Variants in IKBIP observed in about 807,000 individuals in gnomAD.
The protein encoded by IKBIP is inhibitor of nuclear factor kappa-B kinase-interacting protein.
In IKBIP, 28 loss-of-function variants were observed where a neutral mutation model predicts 31.0. The ratio of observed to expected loss-of-function variants is 0.90; its 90% CI spans 0.67 to 1.24. The LOEUF is 1.24. IKBIP is among the 50% of genes most tolerant of loss of function. The pLI is 0.00. For synonymous variants in IKBIP, 164 were observed against 160.3 expected (o/e 1.02, Z -0.17); for missense variants, 453 against 441.9 (o/e 1.03, Z -0.23).
At chr12:98,635,429 T>C (rs1299279561) in intron 1 of IKBIP, among the ~76,000 whole-genome samples, 2 of 152,194 alleles carry the variant, frequency 1.3e-5, no homozygotes, top group African/African-American at 2.4e-5. Context: ...TTTGACAGAT[T>C]TTCATGTGGT....
chr12:98,639,603 G>A (rs2097628667), intron 1 of IKBIP, among the ~76,000 whole-genome samples: 1 of 152,188 alleles, frequency 6.6e-6, no homozygotes, highest in Non-Finnish European at 1.5e-5. Flanking sequence ...CTGTGATAAT[G>A]AATGGTTTAC....
At chr12:98,631,917 G>T (rs963796970) in intron 2 of IKBIP, among the ~76,000 whole-genome samples, 2 of 150,802 alleles carry the variant, frequency 1.3e-5, no homozygotes, top group African/African-American at 4.9e-5. Context: ...GCACAATGGC[G>T]TGATCTCAGC....
downstream of IKBIP, among the ~76,000 whole-genome samples, chr12:98,623,604 T>C (rs1203818702): frequency 7.3e-6 from 1 of 136,066 alleles, no homozygotes; most frequent in Non-Finnish European, 1.5e-5. Flanking sequence ...GAGGTCTCAC[T>C]ATGTTACCCA....
chr12:98,624,137 C>T (rs752500495), downstream of IKBIP: 10 of 291,912 alleles, frequency 3.4e-5, no homozygotes, highest in Admixed American at 6.6e-5. Flanking sequence ...TCATAATAAC[C>T]TCATATTAAA....
At chr12:98,623,560 C>CTTTTTTTTT (rs35433597), downstream of IKBIP, among the ~76,000 whole-genome samples, 3 of 64,188 alleles carry the variant, frequency 4.7e-5, no homozygotes, top group Non-Finnish European at 5.2e-5. Flanking sequence ...CCTCCTTACA[C>CTTTTTTTTT]TTTTTTTTTT....
At chr12:98,634,546 T>C in intron 1 of IKBIP, 133 bp from the exon 2 acceptor site, 3 of 569,102 alleles carry the variant, frequency 5.3e-6, no homozygotes, top group Non-Finnish European at 9.3e-6. Flanking sequence ...TTTTTTTTTT[T>C]TTTTTTCACA....
At position 98,624,506 on chromosome 12, in the gene IKBIP, T is replaced by C; in HGVS notation, c.*1424A>G. ...TTGCAAATTTACATATTAAAACTAC[T>C]TGACCACAACTACCTTTTTGTAACT... On this transcript the variant is annotated 3_prime_UTR_variant, in exon 3 of 3. Coordinates refer to ENST00000299157, the MANE Select transcript of IKBIP (RefSeq NM_153687.4). The C allele has an allele frequency of 1.0e-6, 1 of 985,384 alleles. No homozygotes were observed. The highest frequency in any genetic ancestry group is 1.2e-6 in the Non-Finnish European group (1 of 829,866). 61.0% of individuals were successfully genotyped at this position (985,384 alleles called of 1,614,324 possible).
chr12:98,634,827 A>T (rs2097624311), intron 1 of IKBIP, among the ~76,000 whole-genome samples: 1 of 148,806 alleles, frequency 6.7e-6, no homozygotes, highest in East Asian at 2.0e-4. Context: ...CTCCTGCCTC[A>T]GCCTCCCGAG....
At chr12:98,643,802 T>C (rs1321953096) in intron 1 of IKBIP, among the ~76,000 whole-genome samples, 1 of 150,426 alleles carries the variant, frequency 6.6e-6, no homozygotes, top group East Asian at 2.0e-4. Context: ...TTTGGGAGCA[T>C]AATGATATGG....
intron 2 of IKBIP, among the ~76,000 whole-genome samples, chr12:98,633,785 G>A (rs2097623335): frequency 6.6e-6 from 1 of 151,976 alleles, no homozygotes; most frequent in Non-Finnish European, 1.5e-5. Flanking sequence ...CCACAGTGCT[G>A]GGATTAAAGG....
chr12:98,615,433 T>C (rs1302377039), intron 2 of IKBIP, among the ~76,000 whole-genome samples: 4 of 152,172 alleles, frequency 2.6e-5, no homozygotes, highest in African/African-American at 7.2e-5. Context: ...TTCACCATGT[T>C]GACTAGGCTG....
At chr12:98,638,819 GA>G (rs778515785) in intron 1 of IKBIP, among the ~76,000 whole-genome samples, 1 of 151,706 alleles carries the variant, frequency 6.6e-6, no homozygotes, top group Non-Finnish European at 1.5e-5. Flanking sequence ...TGAGGCAGCT[GA>G]AGAGGAAGAG....
Position 98,642,392 on chromosome 12 carries a change from C to T in IKBIP, c.179+2131G>A, listed in dbSNP as rs141465604. On this transcript the variant is annotated intron_variant, in intron 1 of 2. Coordinates refer to ENST00000299157, the MANE Select transcript of IKBIP (RefSeq NM_153687.4). ...CTCAAATTCCTGACCTCAAGTGATT[C>T]GCCTGCCTCGGCCTCCCAAAGTGCT... 2.0e-3 allele frequency among the ~76,000 whole-genome samples: 299 copies of T among 152,120 alleles called. 1 individual carries two copies. The highest frequency in any genetic ancestry group is 3.2e-3 in the Non-Finnish European group (218 of 67,998).
chr12:98,627,774 A>G (rs1182638579), intron 2 of IKBIP, among the ~76,000 whole-genome samples: 1 of 152,082 alleles, frequency 6.6e-6, no homozygotes, highest in Non-Finnish European at 1.5e-5. Context: ...GCTTTTTAGA[A>G]ACTGCAACTT....
chr12:98,633,738 A>C (rs1052408135), intron 2 of IKBIP, among the ~76,000 whole-genome samples: 1 of 151,958 alleles, frequency 6.6e-6, no homozygotes. Context: ...CTGGTCTCCT[A>C]ACTCCTGACC....
chr12:98,620,803 G>A (rs531100676), downstream of IKBIP, among the ~76,000 whole-genome samples: 102 of 152,192 alleles, frequency 6.7e-4, no homozygotes, highest in Non-Finnish European at 7.9e-4. Context: ...GTTGAGGTCA[G>A]GAGTTTGAGA....
In IKBIP at chr12:98,634,328, G is replaced by T; in HGVS notation, c.265C>A (p.Leu89Ile). Residue 89 changes from leucine to isoleucine, a missense_variant, in exon 2 of 3, where the codon CTT (leucine) becomes ATT (isoleucine). By Grantham distance (5) the Leu-to-Ile change is conservative. Transcript: ENST00000299157. ...LKLETNEFQQ[L>I]QSKISLISEK... ...GAAATTAAACTGATTTTACTTTGAA[G>T]TTGTTGGAATTCATTGGTTTCTAGT... 1 of 1,590,204 alleles carries T rather than the reference G, an allele frequency of 6.3e-7. No homozygotes were observed. The highest frequency in any genetic ancestry group is 8.6e-7 in the Non-Finnish European group (1 of 1,159,506).
intron 1 of IKBIP, among the ~76,000 whole-genome samples, chr12:98,636,585 C>A (rs1408287897): frequency 6.6e-6 from 1 of 152,200 alleles, no homozygotes; most frequent in Admixed American, 6.5e-5. Context: ...GGAGGAAATA[C>A]ATTTCTTTTG....
intron 2 of IKBIP, among the ~76,000 whole-genome samples, chr12:98,630,505 T>C (rs1379032597): frequency 6.6e-6 from 1 of 150,600 alleles, no homozygotes; most frequent in Non-Finnish European, 1.5e-5. Context: ...TCTTGGAAAC[T>C]GACTTTAAGT....
Sources: allele counts gnomAD v4.1 joint callset (sites outside exome capture counted in the v4.1 genomes callset), GRCh38; gene constraint gnomAD v4.1.1; transcripts MANE v1.5; gene names NCBI Gene and HGNC (gene_info 2026-07-23, HGNC 2026-07-21).